Variants in FASN observed in about 807,000 individuals in gnomAD.
FASN encodes the protein 3-hydroxyacyl-[acyl-carrier-protein] dehydratase.
A neutral mutation model predicts 250.0 loss-of-function variants in FASN; 50 were observed. The ratio of observed to expected loss-of-function variants is 0.20; its 90% CI spans 0.16 to 0.25. The LOEUF (loss-of-function observed/expected upper bound fraction) is 0.25, where lower values mean the gene tolerates loss of function less well. Ranked by LOEUF, FASN falls within the 10% of genes least tolerant of loss-of-function variation. The probability of loss-of-function intolerance (pLI) is 1.00; values close to 1 mark genes in which losing one functional copy is unlikely to be tolerated. For synonymous variants in FASN, 1,909 were observed against 1,584.0 expected, an observed-to-expected ratio of 1.21 and a Z score of -4.87; for missense variants, 3,031 against 3,498.5, an observed-to-expected ratio of 0.87 and a Z score of 3.37.
rs2034144332 is a variant in FASN, at chr17:82,088,415, G to A, written c.2568C>T (p.Ser856=). ...CGATGTTGTAGATGGCGGCTGAGGG[G>A]GAACCTGAACCGTTGGGGAAGTCCT... ...AAEDFPNGSG[S]PSAAIYNIDT... Residue 856 remains serine (S), a synonymous_variant, in exon 16 of 43, where the codon TCC becomes TCT. Coordinates refer to ENST00000306749, the MANE Select transcript of FASN (RefSeq NM_004104.5). 2 of 1,612,318 alleles carry A rather than the reference G, an allele frequency of 1.2e-6. No homozygotes were observed. Among genetic ancestry groups the A allele is most frequent in the Admixed American group, 3.3e-5 (2 of 60,006 alleles).
At position 82,083,098 on chromosome 17, in the gene FASN, C is replaced by T. The variant is rs751001889; in HGVS notation, c.5583G>A (p.Pro1861=). The T allele has an allele frequency of 2.7e-5, 44 of 1,610,480 alleles. No individual in the cohort carries two copies. The highest frequency in any genetic ancestry group is 1.4e-4 in the South Asian group (13 of 91,086). Residue 1861 remains proline (P), a synonymous_variant, in exon 33 of 43, where the codon CCG becomes CCA. Coordinates refer to ENST00000306749, the MANE Select transcript of FASN (RefSeq NM_004104.5). ...KVVVQVLAEE[P]EAVLKGAKPK... Reference sequence around the variant, plus strand: ...GTTTGGCCCCCTTCAGCACTGCCTCCGGCTCCTCCGCAAGCACCTGCGTCC... The same window carrying T: ...GTTTGGCCCCCTTCAGCACTGCCTCTGGCTCCTCCGCAAGCACCTGCGTCC...
chr17:82,081,400 G>T lies in FASN; in HGVS notation c.6407-48C>A, dbSNP rs745992448. On this transcript the variant is annotated intron_variant, in intron 37 of 42. Coordinates refer to ENST00000306749, the MANE Select transcript of FASN (RefSeq NM_004104.5). Reference sequence around the variant, plus strand: ...GCAACTCCAGAGGGGGCATGGGGACGGCCTGTATGCGGCAGGGCTGACACC... The same window carrying T: ...GCAACTCCAGAGGGGGCATGGGGACTGCCTGTATGCGGCAGGGCTGACACC... 5 of 1,560,424 alleles carry T rather than the reference G, an allele frequency of 3.2e-6. No homozygotes were observed. The Admixed American group carries it at 9.4e-5, about 29-fold the overall frequency.
intron 5 of FASN, 59 bp from the exon 6 acceptor site, chr17:82,093,078 A>T: frequency 6.2e-7 from 1 of 1,603,730 alleles, no homozygotes; most frequent in Non-Finnish European, 8.5e-7. Context: ...CCACCCCACC[A>T]GGAGGAGCTC....
rs1024680266 is a variant in FASN at position 82,087,327 on chromosome 17, T to C, written c.3221A>G (p.Gln1074Arg). The C allele has an allele frequency of 4.3e-6, 7 of 1,611,084 alleles. No individual in the cohort carries two copies. In the African/African-American group the frequency reaches 6.7e-5, roughly 15 times the overall value. The change falls in exon 20 of 43, where the codon CAA (glutamine) becomes CGA (arginine). Residue 1074 changes from glutamine (Q) to arginine (R), a missense_variant and splice_region_variant. By Grantham distance (43) the Gln-to-Arg change is conservative. Coordinates refer to ENST00000306749, the MANE Select transcript of FASN (RefSeq NM_004104.5). ...GGCTGGGGCTGGGGCGGGGCTACCT[T>C]GGGCCTTGTCCTGCAGTGTGTACAG... ...QKLYTLQDKA[Q>R]VADVVVSRWL... is the part of the protein sequence containing the mutation.
intron 1 of FASN, among the ~76,000 whole-genome samples, chr17:82,097,809 G>C (rs1239654358): frequency 9.9e-5 from 15 of 152,194 alleles, no homozygotes; most frequent in East Asian, 3.9e-4. Flanking sequence ...TGTGGGCGCG[G>C]GGAGGCCGAG....
rs747429810 is a variant in FASN, at chr17:82,091,345, T to C, written c.1369A>G (p.Ile457Val). 3 of 1,610,722 alleles carry C rather than the reference T, an allele frequency of 1.9e-6. No individual in the cohort carries two copies. The highest frequency in any genetic ancestry group is 2.2e-5 in the South Asian group (2 of 90,854). ...ATGGCGGTGGCGGGGACAGCCGCGA[T>C]GTCGTTCAGCATGCTCAGGAAAGCC... ...DLAFLSMLND[I>V]AAVPATAMPF... Residue 457 changes from isoleucine (I) to valine (V), a missense_variant, in exon 9 of 43, where the codon ATC becomes GTC. Coordinates refer to ENST00000306749, the MANE Select transcript of FASN (RefSeq NM_004104.5).
rs535821903 is a variant in FASN at position 82,092,901 on chromosome 17, C to G, written c.774G>C (p.Glu258Asp). ...NAGTNTDGFK[E>D]QGVTFPSGDI... Reference sequence around the variant, plus strand: ...CGGAACCCCGGCAGAGCCCACCTTGCTCCTTGAAGCCATCTGTATTGGTGC... The same window carrying G: ...CGGAACCCCGGCAGAGCCCACCTTGGTCCTTGAAGCCATCTGTATTGGTGC... The change falls in exon 6 of 43, where the codon GAG (glutamate) becomes GAC (aspartate). Residue 258 changes from glutamate (E) to aspartate (D), a missense_variant. Glu to Asp is a conservative substitution (Grantham distance 45, BLOSUM62 2). Transcript: ENST00000306749. 6.2e-7 allele frequency: 1 copy of G among 1,601,844 alleles called. No individual in the cohort carries two copies. The highest frequency in any genetic ancestry group is 2.3e-5 in the East Asian group (1 of 44,418).
In FASN at chr17:82,079,447, C is replaced by T. The variant is rs2033948882; in HGVS notation, c.7308G>A (p.Lys2436=). The T allele has an allele frequency of 6.2e-7, 1 of 1,613,034 alleles. No individual in the cohort carries two copies. The change falls in exon 42 of 43, where the codon AAG becomes AAA. Residue 2436 remains lysine, a synonymous_variant. Transcript: ENST00000306749. ...GCATCACGTTGCCATGGTACTTGGCCTTGGGTGTGTACTGCTCAGCGGCAC... is the reference window on the plus strand; with the variant it reads ...GCATCACGTTGCCATGGTACTTGGCTTTGGGTGTGTACTGCTCAGCGGCAC... ...KLRAAEQYTP[K]AKYHGNVMLL...
Position 82,092,605 on chromosome 17 carries a change from G to T in FASN, c.895-16C>A. 2 of 1,605,242 alleles carry T rather than the reference G, an allele frequency of 1.2e-6. No homozygotes were observed. Among genetic ancestry groups the T allele is most frequent in the Non-Finnish European group, 8.5e-7 (1 of 1,179,648 alleles). ...GGTCGCCCACCTGTGGGAAACATGG[G>T]GGGTGAGGGGCTCTGGCCAGGTCAC... On this transcript the variant is annotated splice_polypyrimidine_tract_variant and intron_variant, in intron 7 of 42. Coordinates refer to ENST00000306749, the MANE Select transcript of FASN (RefSeq NM_004104.5).
In FASN at chr17:82,084,402, G is replaced by A. The variant is rs768637751; in HGVS notation, c.4769-18C>T. On this transcript the variant is annotated intron_variant, in intron 27 of 42. Transcript: ENST00000306749. ...CCACTTCCCTGGGGGAGACGGCACTGAGCCCCTCACCGCCTGCCCTTCCCT... is the reference window on the plus strand; with the variant it reads ...CCACTTCCCTGGGGGAGACGGCACTAAGCCCCTCACCGCCTGCCCTTCCCT... 6.2e-7 allele frequency: 1 copy of A among 1,600,248 alleles called. No individual in the cohort carries two copies. Among genetic ancestry groups the A allele is most frequent in the East Asian group, 2.3e-5 (1 of 44,186 alleles).
In FASN at chr17:82,085,777, T is replaced by G. The variant is rs1401562194; in HGVS notation, c.3827A>C (p.His1276Pro). 6.4e-7 allele frequency: 1 copy of G among 1,560,880 alleles called. No individual in the cohort carries two copies. The highest frequency in any genetic ancestry group is 1.9e-5 in the Admixed American group (1 of 53,046). ...CTGGGCAGCCTCCAGGGCCTGGGGG[T>G]GGCGGTCGGTGGCCGTGTAGCTCAG... Reference protein sequence around the residue: ...LQLSYTATDRHPQALEAAQAE... With the variant: ...LQLSYTATDRPPQALEAAQAE... The change falls in exon 23 of 43, where the codon CAC becomes CCC. Residue 1276 changes from histidine (H) to proline (P), a missense_variant. Coordinates refer to ENST00000306749, the MANE Select transcript of FASN (RefSeq NM_004104.5).
chr17:82,091,697 G>T lies in FASN; in HGVS notation c.1030-13C>A. ...GGGACAGCAGCACCTGCGGGGGTAC[G>T]TGGTGGATGGGCAGCCGCCCCACTC... On this transcript the variant is annotated splice_polypyrimidine_tract_variant and intron_variant, in intron 8 of 42. Transcript: ENST00000306749. 1 of 1,557,972 alleles carries T rather than the reference G, an allele frequency of 6.4e-7. No individual in the cohort carries two copies. The highest frequency in any genetic ancestry group is 2.3e-5 in the East Asian group (1 of 42,822).
rs1192562552 is a variant in FASN, at chr17:82,091,229, G to A, written c.1485C>T (p.Ile495=). ...VPAGERPLWF[I]CSGMGTQWRG... is the part of the protein sequence containing the mutation. Reference sequence around the variant, plus strand: ...GGCAGAGTGTGGGCTCACCAGAGCAGATGAACCAGAGCGGGCGCTCGCCAG... The same window carrying A: ...GGCAGAGTGTGGGCTCACCAGAGCAAATGAACCAGAGCGGGCGCTCGCCAG... Residue 495 remains isoleucine (I), a synonymous_variant, in exon 9 of 43, where the codon ATC becomes ATT. Transcript: ENST00000306749. The A allele has an allele frequency of 3.1e-6, 5 of 1,601,146 alleles. 1 individual carries two copies. The Middle Eastern group carries it at 5.0e-4, about 160-fold the overall frequency.
chr17:82,096,302 G>A lies in FASN; in HGVS notation c.127+17C>T, dbSNP rs1480607847. On this transcript the variant is annotated intron_variant, in intron 2 of 42. Transcript: ENST00000306749. ...GAGCTTCACACCCCAGGCACGGGGAGCCCCGCAGCCACATACCCGCCTTCC... is the reference window on the plus strand; with the variant it reads ...GAGCTTCACACCCCAGGCACGGGGAACCCCGCAGCCACATACCCGCCTTCC... The A allele has an allele frequency of 6.2e-7, 1 of 1,611,454 alleles. No individual in the cohort carries two copies. The highest frequency in any genetic ancestry group is 1.1e-5 in the South Asian group (1 of 91,090).
In FASN at chr17:82,084,728, G is replaced by C. The variant is rs1389738547; in HGVS notation, c.4565-12C>G. 5.1e-6 allele frequency: 8 copies of C among 1,554,706 alleles called. No individual in the cohort carries two copies. The highest frequency in any genetic ancestry group is 7.0e-6 in the Non-Finnish European group (8 of 1,149,376). ...CTCCTCAGGCTTGTCTAGGGAAACA[G>C]GGAGGTGGGGCTGCTGCGGGGCCTT... is the stretch of plus-strand genomic sequence containing the variant. On this transcript the variant is annotated splice_polypyrimidine_tract_variant and intron_variant, in intron 26 of 42. Coordinates refer to ENST00000306749, the MANE Select transcript of FASN (RefSeq NM_004104.5).
rs2229426 is a variant in FASN at position 82,083,522 on chromosome 17, G to A, written c.5336C>T (p.Pro1779Leu). The A allele has an allele frequency of 0.01, 16,623 of 1,612,814 alleles. 88 individuals carry two copies. Among genetic ancestry groups the A allele is most frequent in the Non-Finnish European group, 0.012 (13,967 of 1,179,982 alleles). ...CCAGGCGCTGCCGGCCTCACCGAGCGGGTGGTTCTGAGAAAGGTCGAATTT... is the reference window on the plus strand; with the variant it reads ...CCAGGCGCTGCCGGCCTCACCGAGCAGGTGGTTCTGAGAAAGGTCGAATTT... ...IGKFDLSQNH[P>L]LGMAIFLKNV... Residue 1779 changes from proline (P) to leucine (L), a missense_variant, in exon 31 of 43, where the codon CCG (proline) becomes CTG (leucine). Pro to Leu is a moderately conservative substitution (Grantham distance 98, BLOSUM62 -3). Coordinates refer to ENST00000306749, the MANE Select transcript of FASN (RefSeq NM_004104.5).
chr17:82,090,651 C>G lies in FASN; in HGVS notation c.1681-87G>C, dbSNP rs2034188505. 9.4e-6 allele frequency: 12 copies of G among 1,279,130 alleles called. No individual in the cohort carries two copies. The South Asian group carries it at 1.4e-4, about 15-fold the overall frequency. The allele number at this position is 1,279,130 out of a possible 1,614,324, so 79.2% of individuals were successfully genotyped here. On this transcript the variant is annotated intron_variant, in intron 10 of 42. Coordinates refer to ENST00000306749, the MANE Select transcript of FASN (RefSeq NM_004104.5). ...CCCCGGCCCCACTAGGCCATCTCCACCCCCGCGCCCCATCGACCCTCCCAG... is the reference window on the plus strand; with the variant it reads ...CCCCGGCCCCACTAGGCCATCTCCAGCCCCGCGCCCCATCGACCCTCCCAG...
intron 33 of FASN, 111 bp from the exon 34 acceptor site, chr17:82,082,789 A>C: frequency 6.5e-7 from 1 of 1,540,548 alleles, no homozygotes. Context: ...CAAGCCCCCC[A>C]CAAGATGGAG....
intron 21 of FASN, 60 bp from the exon 22 acceptor site, chr17:82,086,618 G>A (rs552398387): frequency 1.5e-6 from 2 of 1,311,188 alleles, no homozygotes; most frequent in Non-Finnish European, 2.2e-6. Context: ...TGCCTGGCAT[G>A]GGCTCTCAGA....
Sources: allele counts gnomAD v4.1 joint callset (sites outside exome capture counted in the v4.1 genomes callset), GRCh38; gene constraint gnomAD v4.1.1; transcripts MANE v1.5; gene names NCBI Gene and HGNC (gene_info 2026-07-23, HGNC 2026-07-21).